MAP3K13: variants seen among roughly 807,000 people sequenced by gnomAD.
MAP3K13 encodes mitogen-activated protein kinase kinase kinase 13.
A neutral mutation model predicts 104.0 loss-of-function variants in MAP3K13; 52 were observed. The ratio of observed to expected loss-of-function variants is 0.50; its 90% confidence interval spans 0.40 to 0.63. The LOEUF is 0.63. Among genes scored for constraint, MAP3K13 ranks in the 20% least tolerant of loss-of-function variants. MAP3K13 has a pLI of 0.00. For synonymous variants in MAP3K13, 394 were observed against 442.2 expected (o/e 0.89, Z 1.37); for missense variants, 914 against 1,218.5 (o/e 0.75, Z 3.72).
At chr3:185,337,824 G>A (rs988656300) in intron 2 of MAP3K13, among the ~76,000 whole-genome samples, 3 of 151,860 alleles carry the variant, frequency 2.0e-5, no homozygotes, top group Admixed American at 6.6e-5. Flanking sequence ...ATATGGTGGG[G>A]GTGGGGAGGG....
chr3:185,470,950 C>T (rs750378982), intron 10 of MAP3K13, among the ~76,000 whole-genome samples: 3 of 152,104 alleles, frequency 2.0e-5, no homozygotes, highest in African/African-American at 4.8e-5. Context: ...ATGTCAATAC[C>T]GTCTTTTTAC....
intron 2 of MAP3K13, among the ~76,000 whole-genome samples, chr3:185,286,438 T>C (rs1720514306): frequency 6.6e-6 from 1 of 152,028 alleles, no homozygotes; most frequent in Non-Finnish European, 1.5e-5. Context: ...CAGATCTATT[T>C]GGCCTTACAC....
chr3:185,403,825 C>G (rs1484132095), intron 1 of MAP3K13, among the ~76,000 whole-genome samples: 1 of 152,172 alleles, frequency 6.6e-6, no homozygotes, highest in East Asian at 1.9e-4. Context: ...AAGCTGTAAT[C>G]AGGTAATTAT....
At chr3:185,375,849 C>T (rs1180367159) in intron 1 of MAP3K13, among the ~76,000 whole-genome samples, 2 of 152,130 alleles carry the variant, frequency 1.3e-5, no homozygotes, top group Admixed American at 1.3e-4. Flanking sequence ...AAATTTCTTT[C>T]TGCCCATATA....
At chr3:185,435,273 A>C (rs1319989360) in intron 2 of MAP3K13, among the ~76,000 whole-genome samples, 2 of 151,774 alleles carry the variant, frequency 1.3e-5, no homozygotes, top group East Asian at 3.9e-4. Flanking sequence ...AGCCTCCCAA[A>C]GTGCTGGGAT....
chr3:185,371,029 C>T (rs1359357792), intron 1 of MAP3K13, among the ~76,000 whole-genome samples: 2 of 152,046 alleles, frequency 1.3e-5, no homozygotes, highest in Non-Finnish European at 2.9e-5. Flanking sequence ...AATATTATAA[C>T]CAGCCTTTGT....
At chr3:185,317,275 G>C (rs1487217388) in intron 2 of MAP3K13, among the ~76,000 whole-genome samples, 1 of 152,150 alleles carries the variant, frequency 6.6e-6, no homozygotes, top group Non-Finnish European at 1.5e-5. Context: ...AAGTGCCAAG[G>C]GTGAAACTAG....
rs73054831 is a variant in MAP3K13 at position 185,440,440 on chromosome 3, C to T, written c.659+2810C>T. On this transcript the variant is annotated intron_variant, in intron 3 of 13. Transcript: ENST00000265026. Reference sequence around the variant, plus strand: ...TATACTTAAGCATATTACATTATACCTGCCGTATTTATTAGTTCTCTGTAA... The same window carrying T: ...TATACTTAAGCATATTACATTATACTTGCCGTATTTATTAGTTCTCTGTAA... Among the ~76,000 whole-genome samples the T allele has an allele frequency of 2.9e-3, 440 of 152,148 alleles. 2 individuals carry two copies. Among genetic ancestry groups the T allele is most frequent in the African/African-American group, 9.5e-3 (393 of 41,496 alleles).
intron 7 of MAP3K13, among the ~76,000 whole-genome samples, chr3:185,454,364 G>A (rs1208040818): frequency 1.1e-5 from 1 of 86,970 alleles, no homozygotes; most frequent in Admixed American, 1.5e-4. Flanking sequence ...AGATATATAT[G>A]AGATATATAT....
chr3:185,482,240 T>G lies in MAP3K13; in HGVS notation c.2800-115T>G. 1 of 724,522 alleles carries G rather than the reference T, an allele frequency of 1.4e-6. No individual in the cohort carries two copies. Among genetic ancestry groups the G allele is most frequent in the Non-Finnish European group, 2.5e-6 (1 of 404,046 alleles). 44.9% of individuals were successfully genotyped at this position (724,522 alleles called of 1,614,324 possible). A position where few individuals can be genotyped will look rare whatever the true frequency, so the allele number is the denominator to read the frequency against. ...AGTCCCACAAGGACAGGACCTGGTCTCGTTTACCTTTGTAGCCCCCTTACC... is the reference window on the plus strand; with the variant it reads ...AGTCCCACAAGGACAGGACCTGGTCGCGTTTACCTTTGTAGCCCCCTTACC... On this transcript the variant is annotated intron_variant, in intron 13 of 13. Coordinates refer to ENST00000265026, the MANE Select transcript of MAP3K13 (RefSeq NM_004721.5). The surrounding 1 kb of genome is among the most constrained non-coding windows in gnomAD (Gnocchi z 4.5).
At chr3:185,303,722 T>C (rs1315306368) in intron 2 of MAP3K13, among the ~76,000 whole-genome samples, 1 of 152,070 alleles carries the variant, frequency 6.6e-6, no homozygotes, top group Non-Finnish European at 1.5e-5. Flanking sequence ...TTTACCTTAG[T>C]CTAGCTAAGG....
chr3:185,297,001 A>G (rs1233644265), intron 2 of MAP3K13, among the ~76,000 whole-genome samples: 1 of 152,220 alleles, frequency 6.6e-6, no homozygotes, highest in Non-Finnish European at 1.5e-5. Flanking sequence ...AATTTGACTT[A>G]TTAGAGAGTT....
At chr3:185,284,692 C>T (rs1015406169) in intron 1 of MAP3K13, among the ~76,000 whole-genome samples, 2 of 150,178 alleles carry the variant, frequency 1.3e-5, no homozygotes, top group Non-Finnish European at 3.0e-5. Flanking sequence ...CCAGCCTGGG[C>T]GACAGAGTTA....
chr3:185,290,425 T>C (rs1720690266), intron 2 of MAP3K13, among the ~76,000 whole-genome samples: 1 of 152,232 alleles, frequency 6.6e-6, no homozygotes, highest in South Asian at 2.1e-4. Context: ...AAATGGATTC[T>C]ATATTACTCC....
At chr3:185,360,139 T>C (rs1723543597), upstream of MAP3K13, among the ~76,000 whole-genome samples, 1 of 152,204 alleles carries the variant, frequency 6.6e-6, no homozygotes. Context: ...ACCTTGATAA[T>C]GGCTTTGCAG....
At chr3:185,442,515 T>C (rs1379372496) in intron 3 of MAP3K13, among the ~76,000 whole-genome samples, 1 of 151,634 alleles carries the variant, frequency 6.6e-6, no homozygotes, top group Admixed American at 6.6e-5. Flanking sequence ...AAGGAAGAAA[T>C]TTTAAATTAT....
intron 2 of MAP3K13, among the ~76,000 whole-genome samples, chr3:185,430,347 G>A (rs1039701538): frequency 4.6e-5 from 7 of 151,994 alleles, no homozygotes; most frequent in Non-Finnish European, 7.4e-5. Flanking sequence ...GGGTACGTGC[G>A]CAGGTTTGTT....
intron 1 of MAP3K13, among the ~76,000 whole-genome samples, chr3:185,399,482 C>T (rs1179478181): frequency 6.6e-6 from 1 of 151,438 alleles, no homozygotes; most frequent in African/African-American, 2.4e-5. Context: ...GTGGCACGTG[C>T]CTGTAATCCC....
intron 1 of MAP3K13, among the ~76,000 whole-genome samples, chr3:185,408,645 T>C (rs1263782252): frequency 1.3e-5 from 2 of 152,018 alleles, no homozygotes; most frequent in African/African-American, 4.8e-5. Context: ...GTATATCCTG[T>C]ATACAAGTGA....
Sources: gnomAD v4.1 joint callset for allele counts (sites outside exome capture counted in the v4.1 genomes callset) on GRCh38, gnomAD v4.1.1 for gene constraint, Gnocchi (gnomAD v3.1) non-coding constraint, MANE v1.5 for transcripts, NCBI Gene and HGNC (gene_info 2026-07-23, HGNC 2026-07-21) for gene names.